Variants in APBB2 observed in about 807,000 individuals in gnomAD.
The protein encoded by APBB2 is amyloid beta precursor protein binding family B member 2, also known as Fe65-like 1.
Under a neutral mutation model 82.5 loss-of-function variants are expected in APBB2, and 38 were observed. That is an observed-to-expected ratio of 0.46 (90% CI 0.36 to 0.60). The LOEUF (loss-of-function observed/expected upper bound fraction) is 0.60. Among genes scored for constraint, APBB2 ranks in the 20% least tolerant of loss-of-function variants. The pLI is 0.00. For missense variants in APBB2, 772 were observed against 972.3 expected (o/e 0.79, Z 2.74); for synonymous variants, 341 against 368.2 (o/e 0.93, Z 0.85).
rs571041162 is a variant in APBB2 at position 40,972,842 on chromosome 4, A to T, written c.836-27769T>A. Among the ~76,000 whole-genome samples, 39 of 152,386 alleles carry T rather than the reference A, an allele frequency of 2.6e-4. 1 individual carries two copies. In the South Asian group the frequency reaches 6.4e-3, roughly 25 times the overall value. On this transcript the variant is annotated intron_variant, in intron 6 of 17. Transcript: ENST00000508593. ...GCAAAGGATAGAGTCAATTTTGCTC[A>T]GTACTTATCCCCAGGGCCTGTCTAA... is the stretch of plus-strand genomic sequence containing the variant.
At chr4:40,859,976 C>G (rs1269484887) in intron 12 of APBB2, among the ~76,000 whole-genome samples, 3 of 152,238 alleles carry the variant, frequency 2.0e-5, no homozygotes, top group African/African-American at 7.2e-5. Flanking sequence ...ATGTTCCTGA[C>G]AGGCAGTGTC....
chr4:40,897,292 C>T (rs1416152551), intron 10 of APBB2, among the ~76,000 whole-genome samples: 3 of 152,118 alleles, frequency 2.0e-5, no homozygotes, highest in Admixed American at 2.0e-4. Flanking sequence ...TCACTTCAGG[C>T]CAGGAGTTCG....
chr4:40,880,271 T>G, intron 12 of APBB2: 1 of 985,432 alleles, frequency 1.0e-6, no homozygotes, highest in Non-Finnish European at 1.2e-6. Context: ...ACTCCTTGAG[T>G]TCCACCTGAT....
At position 41,027,404 on chromosome 4, in the gene APBB2, T is replaced by TATATATAA. The variant is rs1426043208; in HGVS notation, c.19+5831_19+5832insTTATATAT. Among the ~76,000 whole-genome samples the TATATATAA allele has an allele frequency of 1.1e-3, 150 of 130,528 alleles. 2 individuals are homozygous for TATATATAA. Among genetic ancestry groups the TATATATAA allele is most frequent in the African/African-American group, 2.9e-3 (102 of 34,756 alleles). The allele number at this position is 130,528 out of a possible 152,430, so 85.6% of individuals were successfully genotyped here. A position where few individuals can be genotyped will look rare whatever the true frequency, so the allele number is the denominator to read the frequency against. Reference sequence around the variant, plus strand: ...ATATATATATATATATATATATATATAACATTTTCAAGAACTCCCAGACTG... The same window carrying TATATATAA: ...ATATATATATATATATATATATATATATATATAAAACATTTTCAAGAACTCCCAGACTG... On this transcript the variant is annotated intron_variant, in intron 5 of 17. Transcript: ENST00000508593.
At chr4:41,068,425 G>A (rs1732672047) in intron 3 of APBB2, among the ~76,000 whole-genome samples, 1 of 152,140 alleles carries the variant, frequency 6.6e-6, no homozygotes, top group African/African-American at 2.4e-5. Context: ...GGAGGCAATA[G>A]ACCAAATTGC....
intron 1 of APBB2, among the ~76,000 whole-genome samples, chr4:41,160,542 C>T (rs1764897386): frequency 1.3e-5 from 2 of 152,154 alleles, no homozygotes; most frequent in African/African-American, 4.8e-5. Flanking sequence ...CCACTAATGC[C>T]CTGGGCTTGG....
At chr4:41,151,076 A>G (rs1762152307) in intron 1 of APBB2, among the ~76,000 whole-genome samples, 1 of 152,048 alleles carries the variant, frequency 6.6e-6, no homozygotes, top group African/African-American at 2.4e-5. Flanking sequence ...CTAACTCCAT[A>G]CTGCATCCAT....
At chr4:40,914,048 C>T (rs1779224865) in intron 10 of APBB2, among the ~76,000 whole-genome samples, 1 of 151,924 alleles carries the variant, frequency 6.6e-6, no homozygotes, top group Non-Finnish European at 1.5e-5. Context: ...CCAGCCTGGC[C>T]AACACGGTGA....
In APBB2 at chr4:41,168,263, G is replaced by A. The variant is rs535335499; in HGVS notation, c.-416-25121C>T. ...ATCGCGCCACTGCACTCCAGCCTGG[G>A]CGACAGAGTGAGACAACGTCTAAAA... On this transcript the variant is annotated intron_variant, in intron 1 of 17. Coordinates refer to ENST00000508593, the MANE Select transcript of APBB2 (RefSeq NM_004307.2). 1.4e-3 allele frequency among the ~76,000 whole-genome samples: 213 copies of A among 151,116 alleles called. 1 individual carries two copies. Among genetic ancestry groups the A allele is most frequent in the Non-Finnish European group, 2.6e-3 (176 of 67,874 alleles).
chr4:41,047,336 A>C (rs1723812308), intron 4 of APBB2, among the ~76,000 whole-genome samples: 2 of 152,260 alleles, frequency 1.3e-5, no homozygotes. Context: ...TTGTTAACTG[A>C]AACAGGGACA....
At chr4:40,935,469 AT>A (rs1560324132) in intron 7 of APBB2, 2 of 248,882 alleles carry the variant, frequency 8.0e-6, no homozygotes, top group Non-Finnish European at 1.5e-5. Context: ...AGCATACCTA[AT>A]TCCATAATAA....
chr4:41,091,138 G>A (rs1046110565), intron 3 of APBB2, among the ~76,000 whole-genome samples: 3 of 152,094 alleles, frequency 2.0e-5, no homozygotes, highest in African/African-American at 7.2e-5. Context: ...CCTTGCTTTG[G>A]TATTTTATTT....
intron 6 of APBB2, among the ~76,000 whole-genome samples, chr4:40,972,346 T>C (rs1230723001): frequency 6.6e-6 from 1 of 151,484 alleles, no homozygotes; most frequent in Non-Finnish European, 1.5e-5. Flanking sequence ...GAGAATGGCA[T>C]GAACCCGGGA....
chr4:40,976,496 G>A (rs1440665990), intron 6 of APBB2, among the ~76,000 whole-genome samples: 1 of 152,132 alleles, frequency 6.6e-6, no homozygotes, highest in African/African-American at 2.4e-5. Flanking sequence ...TTTTAGTTAA[G>A]GGACTGGAGA....
intron 10 of APBB2, among the ~76,000 whole-genome samples, chr4:40,904,154 G>C (rs949567490): frequency 2.6e-5 from 4 of 152,170 alleles, no homozygotes; most frequent in Non-Finnish European, 5.9e-5. Flanking sequence ...AATTAGGCCA[G>C]GTGCAGTAGT....
At chr4:41,089,295 CA>C (rs1286986904) in intron 3 of APBB2, among the ~76,000 whole-genome samples, 2 of 152,166 alleles carry the variant, frequency 1.3e-5, no homozygotes, top group Non-Finnish European at 2.9e-5. Flanking sequence ...GGAATATTTG[CA>C]TTATATAATT....
chr4:41,024,681 T>G (rs1279138831), intron 5 of APBB2, among the ~76,000 whole-genome samples: 1 of 152,232 alleles, frequency 6.6e-6, no homozygotes, highest in Non-Finnish European at 1.5e-5. Flanking sequence ...CTTTCCCCTA[T>G]GAGTAAAACT....
At chr4:40,863,891 C>CAAAAAAAAA (rs60135616) in intron 12 of APBB2, among the ~76,000 whole-genome samples, 7 of 32,994 alleles carry the variant, frequency 2.1e-4, no homozygotes, top group Non-Finnish European at 2.7e-4. Flanking sequence ...GAGACTGTCT[C>CAAAAAAAAA]AAAAAAAAAA....
chr4:40,979,444 T>C (rs1797958132), intron 6 of APBB2, among the ~76,000 whole-genome samples: 1 of 152,246 alleles, frequency 6.6e-6, no homozygotes, highest in African/African-American at 2.4e-5. Context: ...CGTATTTATT[T>C]ACTTATTTTT....
Sources: gnomAD v4.1 joint callset for allele counts (sites outside exome capture counted in the v4.1 genomes callset) on GRCh38, gnomAD v4.1.1 for gene constraint, MANE v1.5 for transcripts, NCBI Gene and HGNC (gene_info 2026-07-23, HGNC 2026-07-21) for gene names.